DYNLT2B: variants seen among roughly 807,000 people sequenced by gnomAD.
The protein encoded by DYNLT2B is dynein light chain Tctex-type 2B, also known as dynein light chain Tctex-type protein 2B.
Under a neutral mutation model 19.5 loss-of-function variants are expected in DYNLT2B, and 14 were observed. That is an observed-to-expected ratio of 0.72 (90% CI 0.47 to 1.12). DYNLT2B has a LOEUF of 1.12. DYNLT2B is among the 50% of genes most tolerant of loss of function. DYNLT2B has a pLI of 0.00. For missense variants in DYNLT2B, 133 were observed against 174.7 expected, an observed-to-expected ratio of 0.76 and a Z score of 1.35; for synonymous variants, 70 against 59.7, an observed-to-expected ratio of 1.17 and a Z score of -0.79.
At chr3:196,306,839 C>T in intron 3 of DYNLT2B, 104 bp downstream of exon 3, 1 of 1,030,310 alleles carries the variant, frequency 9.7e-7, no homozygotes, top group Non-Finnish European at 1.5e-6. Context: ...TCACACCCGG[C>T]CCTTCTCACT....
intron 2 of DYNLT2B, among the ~76,000 whole-genome samples, chr3:196,313,717 A>AT (rs1726699194): frequency 6.6e-6 from 1 of 152,176 alleles, no homozygotes; most frequent in Non-Finnish European, 1.5e-5. Context: ...ACTTTTCTGT[A>AT]TTTTTTAATT....
intron 4 of DYNLT2B, among the ~76,000 whole-genome samples, chr3:196,294,717 T>A (rs1455618251): frequency 6.6e-6 from 1 of 152,110 alleles, no homozygotes; most frequent in East Asian, 1.9e-4. Context: ...CCCTCTTATT[T>A]CTTTTTACTT....
chr3:196,296,555 A>C (rs1726226693), intron 3 of DYNLT2B, among the ~76,000 whole-genome samples: 1 of 152,164 alleles, frequency 6.6e-6, no homozygotes, highest in African/African-American at 2.4e-5. Context: ...GAAATTGGCT[A>C]TTCTCCTCTC....
chr3:196,296,108 C>A (rs1726216825), intron 3 of DYNLT2B, 39 bp from the exon 4 acceptor site: 1 of 1,566,602 alleles, frequency 6.4e-7, no homozygotes, highest in Non-Finnish European at 8.8e-7. Flanking sequence ...AACAATCTAA[C>A]AAGGACCTAA....
chr3:196,300,471 C>T (rs1042484922), intron 3 of DYNLT2B, among the ~76,000 whole-genome samples: 1 of 152,040 alleles, frequency 6.6e-6, no homozygotes, highest in African/African-American at 2.4e-5. Context: ...GGCTCACGCC[C>T]ATAATCCCAG....
intron 2 of DYNLT2B, chr3:196,315,244 G>C: frequency 2.4e-6 from 1 of 418,118 alleles, no homozygotes; most frequent in Non-Finnish European, 4.6e-6. Flanking sequence ...TTTTAATAGA[G>C]ATGTTTTATT....
At chr3:196,293,149 C>T (rs149576799) in intron 4 of DYNLT2B, among the ~76,000 whole-genome samples, 2,122 of 152,256 alleles carry the variant, frequency 0.014, 30 homozygotes, top group Non-Finnish European at 0.02. Context: ...CCACCACACC[C>T]AGCCTAAAGT....
intron 3 of DYNLT2B, among the ~76,000 whole-genome samples, chr3:196,305,209 G>A (rs1372812637): frequency 2.6e-5 from 4 of 152,050 alleles, no homozygotes; most frequent in Non-Finnish European, 2.9e-5. Flanking sequence ...ATAATAGATG[G>A]ATCCATCTGA....
chr3:196,312,586 G>A (rs1726671415), intron 2 of DYNLT2B, among the ~76,000 whole-genome samples: 1 of 151,914 alleles, frequency 6.6e-6, no homozygotes, highest in Admixed American at 6.6e-5. Flanking sequence ...AGCCTCCCAA[G>A]TAGCTGGGAT....
At chr3:196,303,959 G>A (rs776225145) in intron 3 of DYNLT2B, among the ~76,000 whole-genome samples, 6 of 152,162 alleles carry the variant, frequency 3.9e-5, no homozygotes, top group Non-Finnish European at 7.3e-5. Flanking sequence ...AGAGGTCAAA[G>A]CTGCAGTGAG....
intron 4 of DYNLT2B, among the ~76,000 whole-genome samples, chr3:196,291,707 T>C (rs529754227): frequency 6.6e-6 from 1 of 152,324 alleles, no homozygotes; most frequent in South Asian, 2.1e-4. Context: ...CTTGAACTCC[T>C]GGGATCAAGC....
At chr3:196,313,499 A>G (rs1726694200) in intron 2 of DYNLT2B, among the ~76,000 whole-genome samples, 1 of 152,126 alleles carries the variant, frequency 6.6e-6, no homozygotes, top group African/African-American at 2.4e-5. Context: ...CCTGGCCAAT[A>G]TTAATGATTG....
chr3:196,302,071 C>T (rs1279462695), intron 3 of DYNLT2B, among the ~76,000 whole-genome samples: 1 of 152,114 alleles, frequency 6.6e-6, no homozygotes, highest in Non-Finnish European at 1.5e-5. Flanking sequence ...CACACCACTG[C>T]ACTCCAGCCT....
chr3:196,305,110 C>T (rs1452053544), intron 3 of DYNLT2B, among the ~76,000 whole-genome samples: 1 of 152,076 alleles, frequency 6.6e-6, no homozygotes, highest in Non-Finnish European at 1.5e-5. Context: ...TCTGGAACTC[C>T]TGGGCTCAAG....
In DYNLT2B at chr3:196,316,194, C is replaced by T. The variant is rs768940158; in HGVS notation, c.151G>A (p.Val51Met). The T allele has an allele frequency of 1.2e-6, 2 of 1,613,760 alleles. No homozygotes were observed. Among genetic ancestry groups the T allele is most frequent in the South Asian group, 1.1e-5 (1 of 90,984 alleles). ...PSVVKDCIHAVLKEELANAEY... is the reference protein window; with the variant it reads ...PSVVKDCIHAMLKEELANAEY... ...GCATTTGCCAGTTCCTCCTTGAGCA[C>T]AGCATGGATACAGTCTTTAACCACA... The change falls in exon 2 of 5, where the codon GTG becomes ATG. Residue 51 changes from valine (V) to methionine (M), a missense_variant. Physicochemically the swap from Val to Met is conservative, Grantham distance 21. Coordinates refer to ENST00000325318, the MANE Select transcript of DYNLT2B (RefSeq NM_152773.5).
At chr3:196,306,914 AAAAC>A (rs1420668870) in intron 3 of DYNLT2B, 25 bp downstream of exon 3, 1 of 1,598,360 alleles carries the variant, frequency 6.3e-7, no homozygotes, top group East Asian at 2.2e-5. Context: ...ATAGATGACT[AAAAC>A]AAGAAGGAAA....
intron 1 of DYNLT2B, among the ~76,000 whole-genome samples, chr3:196,316,914 G>GTGTGT (rs1267478485): frequency 2.3e-5 from 1 of 44,136 alleles, no homozygotes; most frequent in African/African-American, 6.3e-5. Flanking sequence ...TGTGTTGTGT[G>GTGTGT]GTGTGTGTGT....
Position 196,313,356 on chromosome 3 carries a change from C to T in DYNLT2B, c.247+2742G>A, listed in dbSNP as rs148308323. 5.8e-3 allele frequency among the ~76,000 whole-genome samples: 888 copies of T among 152,050 alleles called. 3 individuals are homozygous for T. The highest frequency in any genetic ancestry group is 0.02 in the African/African-American group (830 of 41,472). On this transcript the variant is annotated intron_variant, in intron 2 of 4. Coordinates refer to ENST00000325318, the MANE Select transcript of DYNLT2B (RefSeq NM_152773.5). ...GGACTACAGATGCACACCACCAGCC[C>T]GGCTAATTTTTGTATTTTTCTAAGA... is the stretch of plus-strand genomic sequence containing the variant.
intron 2 of DYNLT2B, among the ~76,000 whole-genome samples, chr3:196,314,111 T>C (rs1726711205): frequency 6.6e-6 from 1 of 151,262 alleles, no homozygotes; most frequent in Admixed American, 6.6e-5. Context: ...AAAAAAACCT[T>C]ATGGATACTT....
Sources: allele counts gnomAD v4.1 joint callset (sites outside exome capture counted in the v4.1 genomes callset), GRCh38; gene constraint gnomAD v4.1.1; transcripts MANE v1.5; gene names NCBI Gene and HGNC (gene_info 2026-07-23, HGNC 2026-07-21).